Variants in PRKD3 observed in about 807,000 individuals in gnomAD.
PRKD3 encodes protein kinase D3.
PRKD3 carries 47 observed loss-of-function variants against 99.2 expected under a neutral mutation model. The observed-to-expected ratio is 0.47, with a 90% confidence interval of 0.38 to 0.60. The LOEUF is 0.60. Ranked by LOEUF, PRKD3 falls within the 20% of genes least tolerant of loss-of-function variation. The probability of loss-of-function intolerance (pLI) is 0.00; values close to 1 mark genes in which losing one functional copy is unlikely to be tolerated. For missense variants in PRKD3, 1,019 were observed against 1,088.4 expected (o/e 0.94, Z 0.90); for synonymous variants, 392 against 355.4 (o/e 1.10, Z -1.16).
intron 14 of PRKD3, among the ~76,000 whole-genome samples, chr2:37,261,105 T>G (rs911730563): frequency 4.6e-5 from 7 of 152,240 alleles, no homozygotes; most frequent in African/African-American, 1.7e-4. Flanking sequence ...TTTTGAGATC[T>G]TCAATAACCT....
intron 2 of PRKD3, among the ~76,000 whole-genome samples, chr2:37,299,153 A>C (rs1028383436): frequency 6.6e-6 from 1 of 151,942 alleles, no homozygotes; most frequent in African/African-American, 2.4e-5. Flanking sequence ...GTTGAATTTT[A>C]CTGAATGTTT....
chr2:37,266,414 C>T (rs1668845205), intron 14 of PRKD3, among the ~76,000 whole-genome samples: 1 of 152,070 alleles, frequency 6.6e-6, no homozygotes, highest in Non-Finnish European at 1.5e-5. Flanking sequence ...CAACCTCTGC[C>T]TCCCAGGTAC....
chr2:37,307,546 T>G (rs1336648399), intron 2 of PRKD3, among the ~76,000 whole-genome samples: 1 of 152,228 alleles, frequency 6.6e-6, no homozygotes. Context: ...TCAATAAAAC[T>G]GTATTTCCAG....
chr2:37,300,846 C>T (rs1670892402), intron 2 of PRKD3, among the ~76,000 whole-genome samples: 3 of 152,150 alleles, frequency 2.0e-5, no homozygotes, highest in Non-Finnish European at 4.4e-5. Context: ...AAAGAAAACG[C>T]ATATTTGAAA....
At chr2:37,308,215 C>A (rs1298920261) in intron 2 of PRKD3, among the ~76,000 whole-genome samples, 1 of 152,030 alleles carries the variant, frequency 6.6e-6, no homozygotes, top group Admixed American at 6.5e-5. Context: ...TAATACTTGC[C>A]GTAACATTTT....
intron 14 of PRKD3, among the ~76,000 whole-genome samples, chr2:37,261,851 G>A (rs1310744583): frequency 3.3e-5 from 5 of 151,984 alleles, no homozygotes; most frequent in African/African-American, 1.2e-4. Flanking sequence ...CTGTAGAATG[G>A]TACAAAAGTG....
At chr2:37,304,214 AAAG>A (rs1358196259) in intron 2 of PRKD3, among the ~76,000 whole-genome samples, 1 of 151,776 alleles carries the variant, frequency 6.6e-6, no homozygotes, top group Non-Finnish European at 1.5e-5. Context: ...AAAAAAAAAA[AAAG>A]AAGTGTTGAC....
rs1572600775 is a variant in PRKD3 at position 37,255,758 on chromosome 2, C to T, written c.2413+904G>A. Among the ~76,000 whole-genome samples, 3 of 152,190 alleles carry T rather than the reference C, an allele frequency of 2.0e-5. No homozygotes were observed. In the South Asian group the frequency reaches 6.2e-4, roughly 32 times the overall value. ...CAGTGGCTCATGCCTGTAATCCCAG[C>T]ACTTTGGGAGGTCAAGTTGGGAAGA... is the stretch of plus-strand genomic sequence containing the variant. On this transcript the variant is annotated intron_variant, in intron 17 of 18. Coordinates refer to ENST00000234179, the MANE Select transcript of PRKD3 (RefSeq NM_005813.6).
chr2:37,307,210 T>C (rs1485583076), intron 2 of PRKD3, among the ~76,000 whole-genome samples: 3 of 152,210 alleles, frequency 2.0e-5, no homozygotes, highest in Non-Finnish European at 2.9e-5. Context: ...TAACTTGATC[T>C]TATATATTAA....
At chr2:37,261,531 A>T (rs752085552) in intron 14 of PRKD3, among the ~76,000 whole-genome samples, 16 of 152,044 alleles carry the variant, frequency 1.1e-4, no homozygotes, top group Non-Finnish European at 1.9e-4. Context: ...CTGTAATCCC[A>T]ACATTTTGCG....
chr2:37,280,398 AAGTT>A (rs1294459036), intron 7 of PRKD3, among the ~76,000 whole-genome samples: 3 of 152,210 alleles, frequency 2.0e-5, no homozygotes, highest in African/African-American at 7.2e-5. Flanking sequence ...ATAAGGCACA[AAGTT>A]AATTAATTTG....
At chr2:37,323,455 A>C (rs1242966042) in intron 1 of PRKD3, among the ~76,000 whole-genome samples, 1 of 151,996 alleles carries the variant, frequency 6.6e-6, no homozygotes, top group African/African-American at 2.4e-5. Context: ...TCTGTGTGAC[A>C]CGTTTCAAAT....
At chr2:37,270,489 C>T (rs757568720) in intron 12 of PRKD3, among the ~76,000 whole-genome samples, 4 of 152,090 alleles carry the variant, frequency 2.6e-5, no homozygotes, top group Non-Finnish European at 5.9e-5. Context: ...TCTTCGCCCC[C>T]TTCCCTTTTT....
At chr2:37,272,859 G>A (rs1027504969) in intron 11 of PRKD3, among the ~76,000 whole-genome samples, 4 of 151,878 alleles carry the variant, frequency 2.6e-5, no homozygotes, top group Non-Finnish European at 5.9e-5. Flanking sequence ...GGTGTGCACC[G>A]GTAGTCCTAG....
At chr2:37,267,130 T>C (rs1668898727) in intron 14 of PRKD3, among the ~76,000 whole-genome samples, 1 of 152,204 alleles carries the variant, frequency 6.6e-6, no homozygotes, top group Admixed American at 6.5e-5. Context: ...GACAAGCATG[T>C]CACCTGTGAA....
At position 37,286,249 on chromosome 2, in the gene PRKD3, T is replaced by C. The variant is rs1194491281; in HGVS notation, c.838A>G (p.Thr280Ala). Residue 280 changes from threonine (T) to alanine (A), a missense_variant, in exon 6 of 19, where the codon ACC becomes GCC. Around this residue, in one of 3 missense-constraint regions of PRKD3, gnomAD observed 710 missense variants for 692.7 expected, o/e 1.02. Coordinates refer to ENST00000234179, the MANE Select transcript of PRKD3 (RefSeq NM_005813.6). ...VPHTFAVHSY[T>A]RPTICQYCKR... ...CAGTACTGACATATCGTGGGACGGG[T>C]GTAAGAGTGAACAGCAAATGTGTGT... The C allele has an allele frequency of 1.9e-6, 3 of 1,613,992 alleles. No individual in the cohort carries two copies. Among genetic ancestry groups the C allele is most frequent in the Non-Finnish European group, 2.5e-6 (3 of 1,180,010 alleles).
intron 2 of PRKD3, 41 bp downstream of exon 2, chr2:37,316,196 G>GT (rs1422627918): frequency 6.6e-7 from 1 of 1,525,988 alleles, no homozygotes; most frequent in Non-Finnish European, 9.0e-7. Context: ...AAAAACATCA[G>GT]TAACAATATT....
rs1034721364 is a variant in PRKD3, at chr2:37,302,013, G to A, written c.289-8742C>T. On this transcript the variant is annotated intron_variant, in intron 2 of 18. Coordinates refer to ENST00000234179, the MANE Select transcript of PRKD3 (RefSeq NM_005813.6). The stretch of plus-strand genomic sequence containing the variant: ...TTATCCCACCCAAAATGTCAATAGT[G>A]CTGAAGCTGAGAAATCCTGCTTTAG... 4.6e-5 allele frequency among the ~76,000 whole-genome samples: 7 copies of A among 152,196 alleles called. No individual in the cohort carries two copies. In the East Asian group the frequency reaches 1.3e-3, roughly 29 times the overall value.
intron 17 of PRKD3, 63 bp from the exon 18 acceptor site, chr2:37,254,352 C>G (rs1175077605): frequency 2.3e-6 from 3 of 1,318,306 alleles, no homozygotes; most frequent in Non-Finnish European, 3.3e-6. Context: ...AAACTTGTGA[C>G]TGCCTAGAAG....
Sources: allele counts gnomAD v4.1 joint callset (sites outside exome capture counted in the v4.1 genomes callset), GRCh38; gene constraint gnomAD v4.1.1; regional missense constraint gnomAD v4.1.1; transcripts MANE v1.5; gene names NCBI Gene and HGNC (gene_info 2026-07-23, HGNC 2026-07-21).